The following CYLD variants were observed in gnomAD, a reference collection of about 807,000 sequenced individuals.
The protein encoded by CYLD is CYLD lysine 63 deubiquitinase.
CYLD carries 26 observed loss-of-function variants against 104.5 expected under a neutral mutation model. The ratio of observed to expected loss-of-function variants is 0.25; its 90% CI spans 0.18 to 0.35. The LOEUF (loss-of-function observed/expected upper bound fraction) is 0.35. CYLD is among the 10% of genes least tolerant of loss of function. The pLI, the probability that CYLD is intolerant of heterozygous loss-of-function variation, is 1.00. For synonymous variants in CYLD, 385 were observed against 399.9 expected, an observed-to-expected ratio of 0.96 and a Z score of 0.45; for missense variants, 703 against 1,136.1, an observed-to-expected ratio of 0.62 and a Z score of 5.48.
intron 5 of CYLD, among the ~76,000 whole-genome samples, chr16:50,754,632 A>G (rs1266792577): frequency 7.6e-6 from 1 of 131,742 alleles, no homozygotes; most frequent in African/African-American, 2.9e-5. Context: ...GCCACCCCCC[A>G]TTCTTTCCCC....
At chr16:50,769,750 A>G (rs1256898274) in intron 5 of CYLD, among the ~76,000 whole-genome samples, 1 of 152,202 alleles carries the variant, frequency 6.6e-6, no homozygotes, top group African/African-American at 2.4e-5. Context: ...GAACATTCCC[A>G]TCCCACAAAG....
Position 50,794,386 on chromosome 16 carries a change from G to C in CYLD, c.2644G>C (p.Asp882His). ...YVAFVKYGKDDSAWLFFDSMA... is the reference protein window; with the variant it reads ...YVAFVKYGKDHSAWLFFDSMA... ...TGCTTTTGTGAAGTATGGGAAGGAC[G>C]ATTCTGCCTGGCTCTTCTTTGACAG... The change falls in exon 18 of 19, where the codon GAT (aspartate) becomes CAT (histidine). Residue 882 changes from aspartate to histidine, a missense_variant. Coordinates refer to ENST00000427738, the MANE Select transcript of CYLD (RefSeq NM_001378743.1). This position sits in a 1 kb window ranked among gnomAD's most constrained non-coding sequence, Gnocchi z 4.1. 6.2e-7 allele frequency: 1 copy of C among 1,614,176 alleles called. No individual in the cohort carries two copies. Among genetic ancestry groups the C allele is most frequent in the Non-Finnish European group, 8.5e-7 (1 of 1,180,026 alleles).
At chr16:50,792,544 GA>G (rs1331353422) in intron 15 of CYLD, 52 bp from the exon 16 acceptor site, 6 of 1,336,682 alleles carry the variant, frequency 4.5e-6, no homozygotes, top group African/African-American at 1.5e-5. Flanking sequence ...GTTTCATAGG[GA>G]AAAGTGTTTT....
intron 5 of CYLD, among the ~76,000 whole-genome samples, chr16:50,762,211 C>T (rs1033268516): frequency 6.6e-6 from 1 of 151,980 alleles, no homozygotes; most frequent in African/African-American, 2.4e-5. Flanking sequence ...TCTGCTTCCA[C>T]GTGTGATTCT....
At chr16:50,774,409 C>T (rs1162580667) in intron 5 of CYLD, among the ~76,000 whole-genome samples, 1 of 152,172 alleles carries the variant, frequency 6.6e-6, no homozygotes, top group Non-Finnish European at 1.5e-5. Flanking sequence ...TGTTTTTCCT[C>T]TACATTCATG....
chr16:50,775,107 ATTTC>A (rs2150978986), intron 5 of CYLD, 55 bp from the exon 6 acceptor site: 37 of 1,508,270 alleles, frequency 2.5e-5, no homozygotes, highest in Non-Finnish European at 3.0e-5. Context: ...AAATTTTCCT[ATTTC>A]TTTCTTTCTG....
At chr16:50,771,582 A>T (rs1276264756) in intron 5 of CYLD, among the ~76,000 whole-genome samples, 1 of 152,126 alleles carries the variant, frequency 6.6e-6, no homozygotes, top group Non-Finnish European at 1.5e-5. Context: ...GAACTGCCAA[A>T]TGGTTTTCTG....
At chr16:50,767,995 A>T (rs1005493878) in intron 5 of CYLD, among the ~76,000 whole-genome samples, 1 of 152,230 alleles carries the variant, frequency 6.6e-6, no homozygotes, top group Non-Finnish European at 1.5e-5. Flanking sequence ...TGGAGGATTG[A>T]GATAATTAAA....
intron 2 of CYLD, among the ~76,000 whole-genome samples, chr16:50,743,423 A>C (rs532586738): frequency 6.6e-6 from 1 of 152,208 alleles, no homozygotes; most frequent in African/African-American, 2.4e-5. Flanking sequence ...CACCCAGAAC[A>C]TTCTCTAATA....
chr16:50,787,743 A>C (rs1344415118), intron 13 of CYLD, 43 bp from the exon 14 acceptor site: 1 of 1,095,816 alleles, frequency 9.1e-7, no homozygotes, highest in East Asian at 2.4e-5. Context: ...AATGATTTAA[A>C]AATTTTGCCT....
At chr16:50,751,294 C>T (rs1446195882) in intron 3 of CYLD, among the ~76,000 whole-genome samples, 2 of 152,130 alleles carry the variant, frequency 1.3e-5, no homozygotes, top group African/African-American at 4.8e-5. Flanking sequence ...AACATTACTG[C>T]TATTTTAAAG....
intron 5 of CYLD, 94 bp downstream of exon 5, chr16:50,754,518 G>C (rs2150912927): frequency 2.4e-6 from 2 of 847,934 alleles, no homozygotes; most frequent in East Asian, 5.4e-5. Context: ...AACAGGTGGT[G>C]TTTGGTTACA....
Position 50,798,221 on chromosome 16 carries a change from G to A in CYLD, c.*1713G>A, listed in dbSNP as rs1972201535. The A allele has an allele frequency of 4.3e-6, 1 of 232,204 alleles. No individual in the cohort carries two copies. The highest frequency in any genetic ancestry group is 8.5e-6 in the Non-Finnish European group (1 of 117,362). 14.4% of individuals were successfully genotyped at this position (232,204 alleles called of 1,614,324 possible). On this transcript the variant is annotated 3_prime_UTR_variant, in exon 19 of 19. Coordinates refer to ENST00000427738, the MANE Select transcript of CYLD (RefSeq NM_001378743.1). ...GATTTTAAAAAATTGACTACCTGGA[G>A]GAATGATTAGGAATCTAAATGAAGC...
intron 14 of CYLD, 99 bp from the exon 15 acceptor site, chr16:50,791,459 T>C (rs1006324756): frequency 1.5e-5 from 19 of 1,267,386 alleles, no homozygotes; most frequent in East Asian, 4.7e-5. Flanking sequence ...ATCAATTTTA[T>C]GGTTTTTCTG....
intron 2 of CYLD, 66 bp from the exon 3 acceptor site, chr16:50,749,510 T>C: frequency 3.3e-6 from 2 of 614,490 alleles, no homozygotes; most frequent in South Asian, 4.1e-5. Context: ...TTCAGTCATG[T>C]AGAATGAAGT....
At position 50,748,499 on chromosome 16, in the gene CYLD, G is replaced by A. The variant is rs181046323; in HGVS notation, c.-123-1077G>A. On this transcript the variant is annotated intron_variant, in intron 2 of 18. Transcript: ENST00000427738. Reference sequence around the variant, plus strand: ...GGAGTTTGAAACTGCAGTGAGCTATGATCGCACCAATGTACCCAAGCCTGG... The same window carrying A: ...GGAGTTTGAAACTGCAGTGAGCTATAATCGCACCAATGTACCCAAGCCTGG... Among the ~76,000 whole-genome samples the A allele has an allele frequency of 2.5e-4, 38 of 152,124 alleles. No homozygotes were observed. In the East Asian group the frequency reaches 7.3e-3, roughly 29 times the overall value.
In CYLD at chr16:50,801,192, C is replaced by T; in HGVS notation, c.*4684C>T. The T allele has an allele frequency of 4.3e-6, 1 of 233,398 alleles. No individual in the cohort carries two copies. Among genetic ancestry groups the T allele is most frequent in the Non-Finnish European group, 8.5e-6 (1 of 118,064 alleles). 14.5% of individuals were successfully genotyped at this position (233,398 alleles called of 1,614,324 possible). On this transcript the variant is annotated 3_prime_UTR_variant, in exon 19 of 19. Coordinates refer to ENST00000427738, the MANE Select transcript of CYLD (RefSeq NM_001378743.1). ...GAAGGTTTTCTCTTGAGTCAGGATG[C>T]AGTGGTAATGCATTAACCAGCAAGT...
intron 5 of CYLD, among the ~76,000 whole-genome samples, chr16:50,756,639 G>C (rs1364585909): frequency 6.6e-6 from 1 of 152,156 alleles, no homozygotes; most frequent in Non-Finnish European, 1.5e-5. Context: ...AGCCAACAGT[G>C]GCAGTCAGAG....
chr16:50,743,823 TTATATG>T (rs1436001217), intron 2 of CYLD, among the ~76,000 whole-genome samples: 4 of 152,256 alleles, frequency 2.6e-5, no homozygotes, highest in African/African-American at 9.6e-5. Flanking sequence ...TTGTTTCTTC[TTATATG>T]TATAACAATG....
Sources: gnomAD v4.1 joint callset for allele counts (sites outside exome capture counted in the v4.1 genomes callset) on GRCh38, gnomAD v4.1.1 for gene constraint, Gnocchi (gnomAD v3.1) non-coding constraint, MANE v1.5 for transcripts, NCBI Gene and HGNC (gene_info 2026-07-23, HGNC 2026-07-21) for gene names.